Variants in BIRC6 observed in about 807,000 individuals in gnomAD.
BIRC6 encodes the protein dual E2 ubiquitin-conjugating enzyme/E3 ubiquitin-protein ligase BIRC6.
Under a neutral mutation model 503.3 loss-of-function variants are expected in BIRC6, and 98 were observed. The observed-to-expected ratio is 0.19, with a 90% confidence interval of 0.17 to 0.23. The LOEUF (loss-of-function observed/expected upper bound fraction) is 0.23, where lower values mean the gene tolerates loss of function less well. Ranked by LOEUF, BIRC6 falls within the 10% of genes least tolerant of loss-of-function variation. The pLI is 1.00. For missense variants in BIRC6, 5,360 were observed against 5,806.0 expected, an observed-to-expected ratio of 0.92 and a Z score of 2.50; for synonymous variants, 2,240 against 2,078.7, an observed-to-expected ratio of 1.08 and a Z score of -2.11.
intron 54 of BIRC6, among the ~76,000 whole-genome samples, 168 bp downstream of exon 54, chr2:32,513,322 T>G (rs2054626547): frequency 6.6e-6 from 1 of 152,260 alleles, no homozygotes; most frequent in Non-Finnish European, 1.5e-5. Flanking sequence ...TTAATTTATC[T>G]TTGTGTTTTA....
chr2:32,389,896 G>A (rs914664459), intron 4 of BIRC6, among the ~76,000 whole-genome samples: 81 of 147,786 alleles, frequency 5.5e-4, no homozygotes, highest in African/African-American at 2.0e-3. Context: ...AGTTTCGCTC[G>A]TTGCCCAGGC....
intron 21 of BIRC6, 95 bp from the exon 22 acceptor site, chr2:32,448,700 C>A: frequency 9.1e-7 from 1 of 1,100,390 alleles, no homozygotes; most frequent in Non-Finnish European, 1.3e-6. Flanking sequence ...GAGCCCTCTG[C>A]GCTGTTAGTC....
chr2:32,440,554 A>G (rs1318574333), intron 16 of BIRC6, among the ~76,000 whole-genome samples: 1 of 152,016 alleles, frequency 6.6e-6, no homozygotes, highest in African/African-American at 2.4e-5. Flanking sequence ...AATACCAGGC[A>G]TTTTACATAT....
chr2:32,445,196 G>T (rs537539125), intron 20 of BIRC6, among the ~76,000 whole-genome samples: 21 of 152,136 alleles, frequency 1.4e-4, no homozygotes, highest in Non-Finnish European at 4.4e-5. Flanking sequence ...CAGCTATTTC[G>T]AAGTGTCCCT....
intron 45 of BIRC6, among the ~76,000 whole-genome samples, chr2:32,494,625 G>C (rs13385788): frequency 0.34 from 52,025 of 151,744 alleles, 9,581 homozygotes; most frequent in Non-Finnish European, 0.42. Context: ...AATAGGGCTG[G>C]GCTCAGTGGC....
At chr2:32,441,521 C>A in intron 17 of BIRC6, 59 bp downstream of exon 17, 1 of 1,373,402 alleles carries the variant, frequency 7.3e-7, no homozygotes. Context: ...AGCATAACAC[C>A]ACACACATAC....
In BIRC6 at chr2:32,545,724, C is replaced by T; in HGVS notation, c.12674C>T (p.Pro4225Leu). The change falls in exon 63 of 74, where the codon CCT becomes CTT. Residue 4225 changes from proline to leucine, a missense_variant. Pro to Leu is a moderately conservative substitution (Grantham distance 98, BLOSUM62 -3). Transcript: ENST00000421745. ...CTTCGTAGCTTGTTTAGCACTACAC[C>T]TTTGACAACTGATGATGGTGTACTT... ...HVLRSLFSTT[P>L]LTTDDGVLLR... 1 of 1,613,828 alleles carries T rather than the reference C, an allele frequency of 6.2e-7. No individual in the cohort carries two copies. The highest frequency in any genetic ancestry group is 8.5e-7 in the Non-Finnish European group (1 of 1,179,822).
chr2:32,429,381 T>A, intron 11 of BIRC6, 86 bp downstream of exon 11: 1 of 1,051,308 alleles, frequency 9.5e-7, no homozygotes. Context: ...GTAAACATAT[T>A]AAAGTAAGAA....
chr2:32,412,145 A>G (rs2041955004), intron 9 of BIRC6, among the ~76,000 whole-genome samples: 1 of 152,160 alleles, frequency 6.6e-6, no homozygotes, highest in Admixed American at 6.5e-5. Context: ...GTGTTTCAGT[A>G]TAGAAACTGA....
intron 1 of BIRC6, among the ~76,000 whole-genome samples, chr2:32,365,281 C>G (rs115949985): frequency 0.012 from 1,847 of 151,864 alleles, 29 homozygotes; most frequent in African/African-American, 0.043. Flanking sequence ...TAAACTGATA[C>G]ATACAGAATA....
chr2:32,565,362 CT>C (rs1314748421), intron 65 of BIRC6: 1 of 152,136 alleles, frequency 6.6e-6, no homozygotes, highest in African/African-American at 2.4e-5. Context: ...TACTTCTCCC[CT>C]ATAAGACATA....
chr2:32,517,010 A>G (rs2055124376), intron 55 of BIRC6, among the ~76,000 whole-genome samples: 1 of 152,148 alleles, frequency 6.6e-6, no homozygotes, highest in African/African-American at 2.4e-5. Flanking sequence ...TAATTTTTAT[A>G]AAATATTGAA....
At chr2:32,463,654 T>C (rs1022390617) in intron 24 of BIRC6, among the ~76,000 whole-genome samples, 1 of 152,222 alleles carries the variant, frequency 6.6e-6, no homozygotes, top group Admixed American at 6.5e-5. Context: ...GATCAAAGAA[T>C]ATGTACAGTT....
rs1376399379 is a variant in BIRC6 at position 32,369,946 on chromosome 2, ATATATATATATATATATAT to A, written c.326-7641_326-7623del. 3.5e-4 allele frequency among the ~76,000 whole-genome samples: 10 copies of A among 28,420 alleles called. 2 individuals are homozygous for A. The highest frequency in any genetic ancestry group is 5.2e-4 in the Non-Finnish European group (9 of 17,170). 18.6% of individuals were successfully genotyped at this position (28,420 alleles called of 152,430 possible). ...TCTCTTAAAAAAAAAAAAAAAAAAA[ATATATATATATATATATAT>A]ATATATATATATATATATATGTATG... On this transcript the variant is annotated intron_variant, in intron 1 of 73. Transcript: ENST00000421745.
At chr2:32,491,183 A>T (rs1215693342) in intron 43 of BIRC6, among the ~76,000 whole-genome samples, 1 of 152,176 alleles carries the variant, frequency 6.6e-6, no homozygotes, top group Non-Finnish European at 1.5e-5. Flanking sequence ...GTTTGACTGT[A>T]CTAAATAAGA....
At chr2:32,470,075 C>T in intron 30 of BIRC6, 93 bp from the exon 31 acceptor site, 1 of 1,090,790 alleles carries the variant, frequency 9.2e-7, no homozygotes, top group Non-Finnish European at 1.2e-6. Context: ...AATATTCTAT[C>T]ATTACTCTGT....
chr2:32,408,422 T>G (rs2041488487), intron 9 of BIRC6, among the ~76,000 whole-genome samples: 1 of 152,148 alleles, frequency 6.6e-6, no homozygotes, highest in African/African-American at 2.4e-5. Context: ...GTTTTTGAAC[T>G]CTTTCAAAAA....
intron 65 of BIRC6, among the ~76,000 whole-genome samples, chr2:32,561,422 T>G (rs1480620227): frequency 2.0e-5 from 3 of 151,544 alleles, no homozygotes; most frequent in East Asian, 4.0e-4. Context: ...GTATTTTTAG[T>G]AGAGGCTGGG....
chr2:32,517,932 A>G (rs1253500043), intron 55 of BIRC6, among the ~76,000 whole-genome samples: 1 of 152,094 alleles, frequency 6.6e-6, no homozygotes, highest in Non-Finnish European at 1.5e-5. Context: ...AACCACACCA[A>G]TATTGACTAA....
Sources: gnomAD v4.1 joint callset for allele counts (sites outside exome capture counted in the v4.1 genomes callset) on GRCh38, gnomAD v4.1.1 for gene constraint, MANE v1.5 for transcripts, NCBI Gene and HGNC (gene_info 2026-07-23, HGNC 2026-07-21) for gene names.